Variants in ZNF571 observed in about 807,000 individuals in gnomAD.
ZNF571 encodes zinc finger protein 571.
ZNF571 carries 4 observed loss-of-function variants against 7.7 expected under a neutral mutation model. The ratio of observed to expected loss-of-function variants is 0.52; its 90% CI spans 0.25 to 1.18. The LOEUF (loss-of-function observed/expected upper bound fraction) is 1.18. Among genes scored for constraint, ZNF571 ranks in the 50% most tolerant of loss-of-function variants. ZNF571 has a pLI of 0.14. For missense variants in ZNF571, 704 were observed against 726.9 expected, an observed-to-expected ratio of 0.97 and a Z score of 0.36; for synonymous variants, 251 against 232.4, an observed-to-expected ratio of 1.08 and a Z score of -0.73.
intron 2 of ZNF571, 56 bp from the exon 3 acceptor site, chr19:37,584,153 TGAGAAGAAAATGGAGGAGG>T: frequency 6.2e-7 from 1 of 1,608,916 alleles, no homozygotes; most frequent in Non-Finnish European, 8.5e-7. Flanking sequence ...TGAAGTGAAA[TGAGAAGAAAATGGAGGAGG>T]TAATTGAAGG....
chr19:37,566,779 G>A (rs1256806151), intron 3 of ZNF571, among the ~76,000 whole-genome samples: 5 of 152,112 alleles, frequency 3.3e-5, no homozygotes, highest in Admixed American at 3.3e-4. Flanking sequence ...AGCAGCCAGA[G>A]GAATTCTTTT....
At chr19:37,593,066 A>C (rs11083428) in intron 1 of ZNF571, among the ~76,000 whole-genome samples, 26,151 of 152,162 alleles carry the variant, frequency 0.17, 2,508 homozygotes, top group Middle Eastern at 0.29. Context: ...ATTATGAAAT[A>C]ACCACCACGC....
At chr19:37,579,145 C>T (rs1158829512) in intron 3 of ZNF571, among the ~76,000 whole-genome samples, 1 of 152,188 alleles carries the variant, frequency 6.6e-6, no homozygotes, top group African/African-American at 2.4e-5. Flanking sequence ...TTCTGTAGGA[C>T]CCTGCATGAG....
Position 37,565,607 on chromosome 19 carries a change from C to CTATGAAT in ZNF571, c.814_820dup (p.Ser274AsnfsTer3), listed in dbSNP as rs2042827196. Reference sequence around the variant, plus strand: ...CTTACATTCATAGGGTTTTTCACCACTATGAATTCTCTGATGAAGAGTATA... The same window carrying CTATGAAT: ...CTTACATTCATAGGGTTTTTCACCACTATGAATTATGAATTCTCTGATGAAGAGTATA... On this transcript the variant is annotated stop_gained and frameshift_variant, in exon 4 of 4. Transcript: ENST00000451802. LOFTEE classifies it low-confidence loss of function (END_TRUNC). 2 of 1,613,046 alleles carry CTATGAAT rather than the reference C, an allele frequency of 1.2e-6. No homozygotes were observed. The highest frequency in any genetic ancestry group is 3.3e-5 in the Admixed American group (2 of 59,868).
intron 3 of ZNF571, among the ~76,000 whole-genome samples, chr19:37,582,345 A>C (rs974088568): frequency 6.6e-6 from 1 of 152,162 alleles, no homozygotes; most frequent in Non-Finnish European, 1.5e-5. Context: ...CTCTCAGCTA[A>C]CTGCTTCCTC....
Position 37,566,139 on chromosome 19 carries a change from C to T in ZNF571, c.289G>A (p.Glu97Lys). Residue 97 changes from glutamate to lysine, a missense_variant, in exon 4 of 4, where the codon GAG (glutamate) becomes AAG (lysine). By Grantham distance (56) the Glu-to-Lys change is moderately conservative. Transcript: ENST00000451802. ...GDNMECKGNL[E>K]GQEASQEGLY... is the part of the protein sequence containing the mutation. Reference sequence around the variant, plus strand: ...CCTTCCTGACTTGCTTCTTGACCCTCTAAGTTGCCTTTGCACTCCATATTG... The same window carrying T: ...CCTTCCTGACTTGCTTCTTGACCCTTTAAGTTGCCTTTGCACTCCATATTG... 6.2e-7 allele frequency: 1 copy of T among 1,614,038 alleles called. No homozygotes were observed. Among genetic ancestry groups the T allele is most frequent in the South Asian group, 1.1e-5 (1 of 91,078 alleles).
chr19:37,565,925 T>C lies in ZNF571; in HGVS notation c.503A>G (p.Glu168Gly). 1 of 1,613,948 alleles carries C rather than the reference T, an allele frequency of 6.2e-7. No individual in the cohort carries two copies. Among genetic ancestry groups the C allele is most frequent in the Non-Finnish European group, 8.5e-7 (1 of 1,179,922 alleles). The change falls in exon 4 of 4, where the codon GAA becomes GGA. Residue 168 changes from glutamate to glycine, a missense_variant. Transcript: ENST00000451802. ...EENHNIEKCS[E>G]VKKHRNTFSK... ...AAAGGTATTCCTGTGTTTCTTAACT[T>C]CAGAGCATTTTTCTATATTATGATT... is the stretch of plus-strand genomic sequence containing the variant.
chr19:37,577,654 TC>T (rs1333414242), intron 3 of ZNF571, among the ~76,000 whole-genome samples: 1 of 152,164 alleles, frequency 6.6e-6, no homozygotes, highest in Non-Finnish European at 1.5e-5. Flanking sequence ...AGTGAGAAGA[TC>T]CATGAGTAGA....
At chr19:37,579,489 G>A (rs979951690) in intron 3 of ZNF571, among the ~76,000 whole-genome samples, 1 of 152,146 alleles carries the variant, frequency 6.6e-6, no homozygotes, top group African/African-American at 2.4e-5. Flanking sequence ...TAACCAATGG[G>A]GAAAGGATTC....
rs1359462157 is a variant in ZNF571, at chr19:37,564,888, CATAA to C, written c.1536_1539del (p.Ile512MetfsTer37). On this transcript the variant is annotated frameshift_variant, in exon 4 of 4. Coordinates refer to ENST00000451802, the MANE Select transcript of ZNF571 (RefSeq NM_016536.5). LOFTEE classifies it low-confidence loss of function (END_TRUNC). ...CTCTGATGTTCACTAAGTTGTGAGC[CATAA>C]ATAAAGGCCTTGTCACATTCCTTAC... The C allele has an allele frequency of 1.9e-6, 3 of 1,614,000 alleles. No homozygotes were observed. The highest frequency in any genetic ancestry group is 1.1e-5 in the South Asian group (1 of 91,076).
At chr19:37,572,633 C>T (rs969250924) in intron 3 of ZNF571, among the ~76,000 whole-genome samples, 3 of 152,126 alleles carry the variant, frequency 2.0e-5, no homozygotes, top group Admixed American at 1.3e-4. Context: ...GCTGTTTTTG[C>T]TAAGAAAGTA....
chr19:37,582,821 G>A (rs1462886780), intron 3 of ZNF571, among the ~76,000 whole-genome samples: 1 of 152,100 alleles, frequency 6.6e-6, no homozygotes, highest in Non-Finnish European at 1.5e-5. Flanking sequence ...GTTATCTCTA[G>A]TGTGAACTTC....
intron 3 of ZNF571, among the ~76,000 whole-genome samples, chr19:37,578,231 C>G (rs1330537940): frequency 6.6e-6 from 1 of 152,144 alleles, no homozygotes; most frequent in African/African-American, 2.4e-5. Flanking sequence ...TAGCGCTGGT[C>G]TAGAAGACCA....
rs1284216552 is a variant in ZNF571 at position 37,565,425 on chromosome 19, A to G, written c.1003T>C (p.Tyr335His). 6.2e-7 allele frequency: 1 copy of G among 1,613,466 alleles called. No homozygotes were observed. Among genetic ancestry groups the G allele is most frequent in the Non-Finnish European group, 8.5e-7 (1 of 1,179,796 alleles). Residue 335 changes from tyrosine (Y) to histidine (H), a missense_variant, in exon 4 of 4, where the codon TAC (tyrosine) becomes CAC (histidine). Tyr to His is a moderately conservative substitution (Grantham distance 83, BLOSUM62 2). Coordinates refer to ENST00000451802, the MANE Select transcript of ZNF571 (RefSeq NM_016536.5). ...GCTTTCCCACATTCTTTACATATGT[A>G]AGGCTTTTCACCAGTATGAACTCTC... ...HQRVHTGEKP[Y>H]ICKECGKAFL... is the part of the protein sequence containing the mutation.
intron 1 of ZNF571, among the ~76,000 whole-genome samples, chr19:37,589,864 CAAAAAAAA>C (rs60136941): frequency 4.1e-4 from 12 of 29,588 alleles, no homozygotes; most frequent in African/African-American, 1.2e-3. Flanking sequence ...GACTCCATCT[CAAAAAAAA>C]AAAAAAAAAA....
Position 37,586,688 on chromosome 19 carries a change from A to C in ZNF571, c.-12T>G. 1 of 1,614,132 alleles carries C rather than the reference A, an allele frequency of 6.2e-7. No homozygotes were observed. The highest frequency in any genetic ancestry group is 8.5e-7 in the Non-Finnish European group (1 of 1,179,996). On this transcript the variant is annotated 5_prime_UTR_variant, in exon 2 of 4. Transcript: ENST00000451802. ...CTCACGTGGGGCATGGTTTTTTAGA[A>C]CTGATCAATTTTCTGGGTTCTTCTC...
intron 3 of ZNF571, 70 bp from the exon 4 acceptor site, chr19:37,566,361 TGATA>T: frequency 3.4e-6 from 5 of 1,485,486 alleles, no homozygotes; most frequent in Non-Finnish European, 3.6e-6. Context: ...ATGGTAAAAA[TGATA>T]GATGAAAATA....
In ZNF571 at chr19:37,565,460, G is replaced by T. The variant is rs377173021; in HGVS notation, c.968C>A (p.Thr323Lys). The T allele has an allele frequency of 4.9e-5, 79 of 1,612,298 alleles. No homozygotes were observed. Among genetic ancestry groups the T allele is most frequent in the Non-Finnish European group, 6.5e-5 (77 of 1,179,492 alleles). Residue 323 changes from threonine (T) to lysine (K), a missense_variant, in exon 4 of 4, where the codon ACA becomes AAA. By Grantham distance (78) the Thr-to-Lys change is moderately conservative. Transcript: ENST00000451802. ...ACCAGTATGAACTCTCTGATGGTAT[G>T]TAAGGTGTGAACCAAGAATAAAGGC... Reference protein sequence around the residue: ...GKAFILGSHLTYHQRVHTGEK... With the variant: ...GKAFILGSHLKYHQRVHTGEK...
intron 3 of ZNF571, among the ~76,000 whole-genome samples, chr19:37,579,972 A>G (rs1443315587): frequency 6.6e-6 from 1 of 152,238 alleles, no homozygotes; most frequent in Non-Finnish European, 1.5e-5. Context: ...TGGAAAAAAA[A>G]GAACCATTTG....
Sources: gnomAD v4.1 joint callset for allele counts (sites outside exome capture counted in the v4.1 genomes callset) on GRCh38, gnomAD v4.1.1 for gene constraint, MANE v1.5 for transcripts, NCBI Gene and HGNC (gene_info 2026-07-23, HGNC 2026-07-21) for gene names.